Variants in MIER1 observed in about 807,000 individuals in gnomAD.
MIER1 encodes mesoderm induction early response protein 1.
A neutral mutation model predicts 75.7 loss-of-function variants in MIER1; 40 were observed. That is an observed-to-expected ratio of 0.53 (90% CI 0.41 to 0.69). The LOEUF is 0.69. Among genes scored for constraint, MIER1 ranks in the 30% least tolerant of loss-of-function variants. The pLI, the probability that MIER1 is intolerant of heterozygous loss-of-function variation, is 0.00. For synonymous variants in MIER1, 213 were observed against 223.4 expected (o/e 0.95, Z 0.42); for missense variants, 574 against 680.2 (o/e 0.84, Z 1.74).
At chr1:66,966,972 GT>G (rs1180640571) in intron 8 of MIER1, among the ~76,000 whole-genome samples, 1 of 152,084 alleles carries the variant, frequency 6.6e-6, no homozygotes, top group Non-Finnish European at 1.5e-5. Context: ...TTGTCTCTTT[GT>G]TGATTGTTTC....
intron 2 of MIER1, 36 bp from the exon 3 acceptor site, chr1:66,939,992 G>C (rs1053451351): frequency 3.2e-6 from 5 of 1,555,500 alleles, no homozygotes; most frequent in Non-Finnish European, 4.4e-6. Context: ...ACATTATACA[G>C]AAATACTAAT....
At chr1:66,959,097 A>G (rs142229768) in intron 6 of MIER1, 114 bp downstream of exon 6, 200 of 862,998 alleles carry the variant, frequency 2.3e-4, no homozygotes, top group African/African-American at 2.1e-3. Context: ...ATTCTTTTCA[A>G]CAGTAAATGG....
chr1:66,963,918 TAAAG>T (rs1381909156), intron 8 of MIER1, among the ~76,000 whole-genome samples: 3 of 151,450 alleles, frequency 2.0e-5, no homozygotes, highest in Non-Finnish European at 2.9e-5. Flanking sequence ...AGGAAAAAAA[TAAAG>T]AAAATGGATT....
chr1:66,934,405 C>CTTTT (rs34839262), intron 2 of MIER1, among the ~76,000 whole-genome samples: 7 of 135,492 alleles, frequency 5.2e-5, no homozygotes, highest in South Asian at 4.6e-4. Flanking sequence ...TTCTTTCTTT[C>CTTTT]TTTTTTTTTT....
intron 4 of MIER1, among the ~76,000 whole-genome samples, chr1:66,948,760 A>G (rs1327822004): frequency 6.6e-6 from 1 of 152,146 alleles, no homozygotes; most frequent in Admixed American, 6.5e-5. Context: ...TTAATTAGGC[A>G]TGGTGGCATG....
chr1:66,985,242 A>G lies in MIER1; in HGVS notation c.*342A>G. 1 of 971,572 alleles carries G rather than the reference A, an allele frequency of 1.0e-6. No individual in the cohort carries two copies. The highest frequency in any genetic ancestry group is 1.2e-6 in the Non-Finnish European group (1 of 816,404). The allele number at this position is 971,572 out of a possible 1,614,324, so 60.2% of individuals were successfully genotyped here. The stretch of plus-strand genomic sequence containing the variant: ...TCTGTACCTTCTCATTTGATGTATT[A>G]ATCATAAAATTTCACTACAAGGTAA... On this transcript the variant is annotated 3_prime_UTR_variant, in exon 14 of 14. Transcript: ENST00000401041.
At chr1:66,974,283 G>T (rs1170424140) in intron 11 of MIER1, among the ~76,000 whole-genome samples, 1 of 151,920 alleles carries the variant, frequency 6.6e-6, no homozygotes. Flanking sequence ...CCCTAATGTT[G>T]TGTTCATATC....
At position 66,970,779 on chromosome 1, in the gene MIER1, T is replaced by G. The variant is rs201517478; in HGVS notation, c.773-29T>G. ...ACAAACTCTATCAGTTTTTAGAAATTTGTTTAACATTGTCTTTTACTAATT... is the reference window on the plus strand; with the variant it reads ...ACAAACTCTATCAGTTTTTAGAAATGTGTTTAACATTGTCTTTTACTAATT... On this transcript the variant is annotated intron_variant, in intron 8 of 13. Transcript: ENST00000401041. 8 of 1,493,508 alleles carry G rather than the reference T, an allele frequency of 5.4e-6. No homozygotes were observed. In the East Asian group the frequency reaches 9.6e-5, roughly 18 times the overall value. The allele number at this position is 1,493,508 out of a possible 1,614,324, so 92.5% of individuals were successfully genotyped here. A position where few individuals can be genotyped will look rare whatever the true frequency, so the allele number is the denominator to read the frequency against.
chr1:66,982,592 T>C (rs988942606), intron 13 of MIER1, among the ~76,000 whole-genome samples: 8 of 151,850 alleles, frequency 5.3e-5, no homozygotes, highest in African/African-American at 1.9e-4. Flanking sequence ...AGTAAAAGAG[T>C]TCCAAGAAGA....
At chr1:66,956,106 G>A (rs1051466155) in intron 4 of MIER1, among the ~76,000 whole-genome samples, 3 of 152,138 alleles carry the variant, frequency 2.0e-5, no homozygotes, top group Non-Finnish European at 4.4e-5. Context: ...CTTTATGACA[G>A]CTATTTGTTA....
intron 2 of MIER1, among the ~76,000 whole-genome samples, chr1:66,930,075 C>T (rs1457304941): frequency 6.6e-6 from 1 of 152,188 alleles, no homozygotes; most frequent in Non-Finnish European, 1.5e-5. Flanking sequence ...TGCCCACCTC[C>T]TCCCACACCC....
rs757621002 is a variant in MIER1, at chr1:66,970,956, A to G, written c.921A>G (p.Glu307=). 18 of 1,576,790 alleles carry G rather than the reference A, an allele frequency of 1.1e-5. No individual in the cohort carries two copies. The highest frequency in any genetic ancestry group is 1.5e-5 in the Non-Finnish European group (18 of 1,169,364). ...AAGGATCTCACATAAAAGACAATGAACAGGTCTGTGAAAGAAACAACTGTT... is the reference window on the plus strand; with the variant it reads ...AAGGATCTCACATAAAAGACAATGAGCAGGTCTGTGAAAGAAACAACTGTT... ...IPEGSHIKDN[E]QALYELVKCN... Residue 307 remains glutamate, a synonymous_variant, in exon 9 of 14, where the codon GAA becomes GAG. Transcript: ENST00000401041.
intron 8 of MIER1, 133 bp from the exon 9 acceptor site, chr1:66,970,675 C>T (rs920104178): frequency 2.3e-5 from 13 of 564,180 alleles, no homozygotes; most frequent in East Asian, 1.0e-4. Flanking sequence ...AGAACGAAGT[C>T]AGGCAAGTAG....
At chr1:66,932,865 T>C (rs534350519) in intron 2 of MIER1, 1 of 152,232 alleles carries the variant, frequency 6.6e-6, no homozygotes, top group African/African-American at 2.4e-5. Context: ...AAATTGATGC[T>C]TCCTACAAGA....
At chr1:66,937,732 A>G (rs1279586427) in intron 2 of MIER1, among the ~76,000 whole-genome samples, 2 of 152,206 alleles carry the variant, frequency 1.3e-5, no homozygotes, top group Non-Finnish European at 2.9e-5. Context: ...ATTTTGAAAG[A>G]TCATCATTTT....
chr1:66,940,787 C>A (rs1299835273), intron 3 of MIER1, among the ~76,000 whole-genome samples: 1 of 152,104 alleles, frequency 6.6e-6, no homozygotes, highest in East Asian at 1.9e-4. Flanking sequence ...TTCTACATGG[C>A]AGTAATTCAT....
intron 8 of MIER1, among the ~76,000 whole-genome samples, chr1:66,969,261 T>G (rs1023117510): frequency 6.6e-6 from 1 of 151,940 alleles, no homozygotes; most frequent in African/African-American, 2.4e-5. Context: ...GTGAAAATAA[T>G]ACGGCCGGGC....
intron 2 of MIER1, among the ~76,000 whole-genome samples, chr1:66,930,795 T>G (rs183972623): frequency 2.0e-5 from 3 of 152,144 alleles, no homozygotes; most frequent in African/African-American, 4.8e-5. Context: ...GTTGCGCCCT[T>G]CCGCGTCACC....
chr1:66,973,816 A>G (rs1664162429), intron 11 of MIER1, among the ~76,000 whole-genome samples: 1 of 152,090 alleles, frequency 6.6e-6, no homozygotes, highest in Non-Finnish European at 1.5e-5. Flanking sequence ...GTTAGTAGAA[A>G]TGACAAGGGT....
Sources: allele counts gnomAD v4.1 joint callset (sites outside exome capture counted in the v4.1 genomes callset), GRCh38; gene constraint gnomAD v4.1.1; transcripts MANE v1.5; gene names NCBI Gene and HGNC (gene_info 2026-07-23, HGNC 2026-07-21).